Variants in TP53I13 observed in about 807,000 individuals in gnomAD.
TP53I13 encodes the protein tumor protein p53-inducible protein 13.
TP53I13 carries 27 observed loss-of-function variants against 39.1 expected under a neutral mutation model. The ratio of observed to expected loss-of-function variants is 0.69; its 90% CI spans 0.51 to 0.95. The LOEUF (loss-of-function observed/expected upper bound fraction) is 0.95, where lower values mean the gene tolerates loss of function less well. Among genes scored for constraint, TP53I13 ranks in the 40% least tolerant of loss-of-function variants. The pLI, the probability that TP53I13 is intolerant of heterozygous loss-of-function variation, is 0.00. For missense variants in TP53I13, 544 were observed against 520.4 expected (o/e 1.05, Z -0.44); for synonymous variants, 230 against 224.6 (o/e 1.02, Z -0.22).
chr17:29,582,070 G>T, the TP53I13 span: 25 of 1,608,888 alleles, frequency 1.6e-5, no homozygotes, highest in Non-Finnish European at 2.0e-5. Context: ...GGTGGAAGAA[G>T]TTGGCCTGGG....
intron 3 of TP53I13, 90 bp downstream of exon 3, chr17:29,569,449 C>A: frequency 1.5e-6 from 2 of 1,315,522 alleles, no homozygotes; most frequent in South Asian, 1.3e-5. Context: ...TGCTGATCGG[C>A]CCCATTCCTT....
chr17:29,577,549 G>A (rs982141211), downstream of TP53I13: 1 of 842,732 alleles, frequency 1.2e-6, no homozygotes, highest in Non-Finnish European at 2.0e-6. Context: ...CCTGGCAAAT[G>A]CTGGAGAGCT....
chr17:29,580,625 A>G, the TP53I13 span, among the ~76,000 whole-genome samples: 1 of 152,330 alleles, frequency 6.6e-6, no homozygotes, highest in East Asian at 1.9e-4. Flanking sequence ...CTAGAGGCCT[A>G]GCCAGCAGTC....
chr17:29,572,744 G>T, intron 6 of TP53I13, 47 bp downstream of exon 6: 1 of 1,405,798 alleles, frequency 7.1e-7, no homozygotes, highest in African/African-American at 1.5e-5. Context: ...GCCCCACCTC[G>T]CGTCGCCCGC....
chr17:29,567,029 G>C, upstream of TP53I13: 1 of 1,214,202 alleles, frequency 8.2e-7, no homozygotes, highest in South Asian at 4.0e-5. This position sits in a 1 kb window ranked among gnomAD's most constrained non-coding sequence, Gnocchi z 6.6. Context: ...CGAGCTCCGC[G>C]CTTTGCCCGC....
the TP53I13 span, chr17:29,578,921 A>AC: frequency 1.2e-6 from 2 of 1,607,630 alleles, no homozygotes; most frequent in African/African-American, 2.7e-5. Flanking sequence ...TCCCCGCCCT[A>AC]CCCCACCTTC....
At chr17:29,575,852 G>T (rs776228670), downstream of TP53I13, 17 of 1,612,398 alleles carry the variant, frequency 1.1e-5, no homozygotes, top group Non-Finnish European at 1.4e-5. The surrounding 1 kb of genome is among the most constrained non-coding windows in gnomAD (Gnocchi z 5.5). Flanking sequence ...CAGCAGCGGG[G>T]AGGAGGGAGT....
At chr17:29,575,907 C>A, downstream of TP53I13, 2 of 1,601,238 alleles carry the variant, frequency 1.2e-6, no homozygotes, top group East Asian at 4.5e-5. The surrounding 1 kb of genome is among the most constrained non-coding windows in gnomAD (Gnocchi z 5.5). Context: ...ATCTGAAACC[C>A]AGGGCAGCGC....
At chr17:29,581,472 C>T in the TP53I13 span, 2 of 1,033,694 alleles carry the variant, frequency 1.9e-6, no homozygotes, top group Non-Finnish European at 3.0e-6. This position sits in a 1 kb window ranked among gnomAD's most constrained non-coding sequence, Gnocchi z 4.8. Flanking sequence ...AGGGCTGGCA[C>T]CCAGAAGTGT....
chr17:29,581,262 G>A, the TP53I13 span: 1 of 1,081,120 alleles, frequency 9.2e-7, no homozygotes. The surrounding 1 kb of genome is among the most constrained non-coding windows in gnomAD (Gnocchi z 4.8). Flanking sequence ...CTGAAACCTG[G>A]GCTGGGAGCT....
upstream of TP53I13, chr17:29,567,592 G>A (rs1346165226): frequency 6.6e-6 from 1 of 152,138 alleles, no homozygotes; most frequent in Non-Finnish European, 1.5e-5. This position sits in a 1 kb window ranked among gnomAD's most constrained non-coding sequence, Gnocchi z 6.6. Flanking sequence ...TGAGCCGCTG[G>A]CGGGAGGCTG....
At chr17:29,577,655 G>C, downstream of TP53I13, 1 of 1,605,596 alleles carries the variant, frequency 6.2e-7, no homozygotes, top group Non-Finnish European at 8.5e-7. Flanking sequence ...CTGATTCCGC[G>C]TGGCTGAGTA....
downstream of TP53I13, chr17:29,577,388 G>T: frequency 1.4e-6 from 1 of 731,024 alleles, no homozygotes; most frequent in Non-Finnish European, 2.3e-6. Context: ...CACCTGGCTA[G>T]TCAGCAGCCA....
At chr17:29,577,803 G>A, downstream of TP53I13, 13 of 1,009,210 alleles carry the variant, frequency 1.3e-5, no homozygotes, top group South Asian at 1.5e-4. Context: ...GTGGGGGTGG[G>A]GAAGCACTGA....
the TP53I13 span, chr17:29,579,104 G>C: frequency 1.2e-6 from 1 of 858,002 alleles, no homozygotes; most frequent in Non-Finnish European, 2.0e-6. Context: ...CGCACACCCG[G>C]CCCAGAAGGG....
upstream of TP53I13, chr17:29,566,456 T>C: frequency 6.2e-7 from 1 of 1,612,234 alleles, no homozygotes; most frequent in East Asian, 2.2e-5. Flanking sequence ...ACGTTGCGGG[T>C]GAGGCGACCC....
the TP53I13 span, chr17:29,578,181 T>C: frequency 2.4e-6 from 2 of 829,848 alleles, no homozygotes; most frequent in Admixed American, 1.9e-5. Flanking sequence ...GGGGCTCATC[T>C]GCAGGCCTCT....
chr17:29,567,733 G>A (rs983192374), upstream of TP53I13, among the ~76,000 whole-genome samples: 1 of 152,154 alleles, frequency 6.6e-6, no homozygotes, highest in African/African-American at 2.4e-5. The surrounding 1 kb of genome is among the most constrained non-coding windows in gnomAD (Gnocchi z 6.6). Context: ...CCAAGCCTCC[G>A]AGAGTCAGTC....
At chr17:29,566,793 C>G (rs1326665497), upstream of TP53I13, 2 of 1,514,704 alleles carry the variant, frequency 1.3e-6, no homozygotes, top group Non-Finnish European at 1.8e-6. Flanking sequence ...CGTCGCTGAA[C>G]TGGTCCGCCG....
Sources: gnomAD v4.1 joint callset for allele counts (sites outside exome capture counted in the v4.1 genomes callset) on GRCh38, gnomAD v4.1.1 for gene constraint, Gnocchi (gnomAD v3.1) non-coding constraint, MANE v1.5 for transcripts, NCBI Gene and HGNC (gene_info 2026-07-23, HGNC 2026-07-21) for gene names.